Variants in GRAMD1A observed in about 807,000 individuals in gnomAD.
The protein encoded by GRAMD1A is GRAM domain containing 1A, also known as protein Aster-A.
Under a neutral mutation model 92.0 loss-of-function variants are expected in GRAMD1A, and 50 were observed. The observed-to-expected ratio is 0.54, with a 90% CI of 0.43 to 0.69. GRAMD1A has a LOEUF of 0.69. Ranked by LOEUF, GRAMD1A falls within the 30% of genes least tolerant of loss-of-function variation. The pLI, the probability that GRAMD1A is intolerant of heterozygous loss-of-function variation, is 0.00. For synonymous variants in GRAMD1A, 405 were observed against 403.6 expected (o/e 1.00, Z -0.04); for missense variants, 819 against 978.9 (o/e 0.84, Z 2.18).
rs1259670448 is a variant in GRAMD1A at position 35,026,278 on chromosome 19, G to A, written c.*137G>A. ...CGGCCCAACCAGGGGCTGTGCAGAC[G>A]TGGGGACCACGGAACCGAGATGCAC... is the stretch of plus-strand genomic sequence containing the variant. On this transcript the variant is annotated 3_prime_UTR_variant, in exon 20 of 20. Transcript: ENST00000317991. 13 of 621,778 alleles carry A rather than the reference G, an allele frequency of 2.1e-5. No individual in the cohort carries two copies. Among genetic ancestry groups the A allele is most frequent in the South Asian group, 5.4e-5 (3 of 55,850 alleles). 38.5% of individuals were successfully genotyped at this position (621,778 alleles called of 1,614,324 possible).
At chr19:35,011,643 G>A in intron 7 of GRAMD1A, 89 bp downstream of exon 7, 2 of 913,760 alleles carry the variant, frequency 2.2e-6, no homozygotes, top group Non-Finnish European at 3.5e-6. Context: ...GCTGGAGGCA[G>A]CCCTGGCTCT....
intron 1 of GRAMD1A, among the ~76,000 whole-genome samples, chr19:34,995,162 C>T (rs528729418): frequency 1.3e-5 from 2 of 152,246 alleles, no homozygotes; most frequent in Non-Finnish European, 2.9e-5. Context: ...GATTCGGCCT[C>T]TCTGTCTGTC....
rs1184259863 is a variant in GRAMD1A at position 35,014,268 on chromosome 19, C to A, written c.950C>A (p.Pro317His). Residue 317 changes from proline to histidine, a missense_variant, in exon 10 of 20, where the codon CCC (proline) becomes CAC (histidine). Pro to His is a moderately conservative substitution (Grantham distance 77). Around this residue, in one of 3 missense-constraint regions of GRAMD1A, gnomAD observed 577 missense variants for 674.6 expected, o/e 0.86. Coordinates refer to ENST00000317991, the MANE Select transcript of GRAMD1A (RefSeq NM_020895.5). ...CAGACAGTGACCCCGGTGGCTGAAC[C>A]CCCGAGCACAGAGCCCACCCAGCCT... Reference protein sequence around the residue: ...SSQTVTPVAEPPSTEPTQPDG... With the variant: ...SSQTVTPVAEHPSTEPTQPDG... 1 of 1,614,000 alleles carries A rather than the reference C, an allele frequency of 6.2e-7. No homozygotes were observed. The highest frequency in any genetic ancestry group is 8.5e-7 in the Non-Finnish European group (1 of 1,179,964).
Position 35,015,847 on chromosome 19 carries a change from G to A in GRAMD1A, c.1093G>A (p.Asp365Asn), listed in dbSNP as rs769359996. Residue 365 changes from aspartate (D) to asparagine (N), a missense_variant, in exon 11 of 20, where the codon GAC becomes AAC. This residue lies in a region of GRAMD1A where 577 missense variants were observed against 674.6 expected (regional missense o/e 0.86). Transcript: ENST00000317991. ...AGCGGACTTGGCTGCCCTGCTTCCCGACCTCTCCGGCCGCCTCCTCATCAA... is the reference window on the plus strand; with the variant it reads ...AGCGGACTTGGCTGCCCTGCTTCCCAACCTCTCCGGCCGCCTCCTCATCAA... ...EEADLAALLP[D>N]LSGRLLINSV... 2.9e-5 allele frequency: 47 copies of A among 1,613,812 alleles called. No individual in the cohort carries two copies. Among genetic ancestry groups the A allele is most frequent in the Middle Eastern group, 1.6e-4 (1 of 6,082 alleles).
At position 35,013,574 on chromosome 19, in the gene GRAMD1A, G is replaced by A; in HGVS notation, c.753G>A (p.Leu251=). The A allele has an allele frequency of 1.2e-6, 2 of 1,612,518 alleles. No individual in the cohort carries two copies. Among genetic ancestry groups the A allele is most frequent in the East Asian group, 4.5e-5 (2 of 44,870 alleles). ...TPKEVGDVIA[L]SDITSSGAAD... is the part of the protein sequence containing the mutation. Reference sequence around the variant, plus strand: ...AGGAAGTGGGAGATGTGATCGCCCTGAGCGACATCACCTCCTCGGGGGCAG... The same window carrying A: ...AGGAAGTGGGAGATGTGATCGCCCTAAGCGACATCACCTCCTCGGGGGCAG... The change falls in exon 9 of 20, where the codon CTG becomes CTA. Residue 251 remains leucine (L), a synonymous_variant. Transcript: ENST00000317991. This position sits in a 1 kb window ranked among gnomAD's most constrained non-coding sequence, Gnocchi z 4.9.
chr19:35,007,241 A>G (rs891954765), intron 1 of GRAMD1A, among the ~76,000 whole-genome samples: 5 of 152,208 alleles, frequency 3.3e-5, no homozygotes, highest in Non-Finnish European at 7.4e-5. Flanking sequence ...AGGCTGGAGC[A>G]GGGAGAAATG....
upstream of GRAMD1A, among the ~76,000 whole-genome samples, chr19:34,998,881 G>A (rs142215668): frequency 8.8e-3 from 1,334 of 150,918 alleles, 23 homozygotes; most frequent in African/African-American, 0.03. Flanking sequence ...GGTGCCTGGT[G>A]AGTTAGAAGA....
Position 35,023,270 on chromosome 19 carries a change from T to A in GRAMD1A, c.1888T>A (p.Phe630Ile), listed in dbSNP as rs767022797. The change falls in exon 18 of 20, where the codon TTC (phenylalanine) becomes ATC (isoleucine). Residue 630 changes from phenylalanine (F) to isoleucine (I), a missense_variant. This residue lies in a region of GRAMD1A where 577 missense variants were observed against 674.6 expected (regional missense o/e 0.86). Coordinates refer to ENST00000317991, the MANE Select transcript of GRAMD1A (RefSeq NM_020895.5). ...IILIALNVLLFYRLWSLERTA... is the reference protein window; with the variant it reads ...IILIALNVLLIYRLWSLERTA... The stretch of plus-strand genomic sequence containing the variant: ...CCTCATCGCCCTCAACGTCCTGCTC[T>A]TCTACCGCCTCTGGTCCCTGGAAAG... The A allele has an allele frequency of 1.8e-5, 29 of 1,614,032 alleles. No individual in the cohort carries two copies. Among genetic ancestry groups the A allele is most frequent in the African/African-American group, 4.0e-5 (3 of 74,944 alleles).
chr19:35,000,206 G>A (rs2014236154), upstream of GRAMD1A: 1 of 1,017,716 alleles, frequency 9.8e-7, no homozygotes, highest in Non-Finnish European at 1.2e-6. This position sits in a 1 kb window ranked among gnomAD's most constrained non-coding sequence, Gnocchi z 4.9. Flanking sequence ...CCTCCTTCTA[G>A]GCCTCTGCGG....
rs560884243 is a variant in GRAMD1A, at chr19:35,023,539, C to G, written c.2074C>G (p.Leu692Val). The change falls in exon 19 of 20, where the codon CTG becomes GTG. Residue 692 changes from leucine (L) to valine (V), a missense_variant. Transcript: ENST00000317991. ...GATCCTGCGGGCCTCCGTGGAGCTC[C>G]TGGATGAGGTAGGAGGCGCCGCTCG... ...RQILRASVELLDEMKFSLEKL... is the reference protein window; with the variant it reads ...RQILRASVELVDEMKFSLEKL... The G allele has an allele frequency of 2.5e-6, 4 of 1,578,404 alleles. No homozygotes were observed. Among genetic ancestry groups the G allele is most frequent in the African/African-American group, 2.7e-5 (2 of 72,966 alleles).
At chr19:35,001,994 CTTAAT>C (rs1437245649) in intron 1 of GRAMD1A, among the ~76,000 whole-genome samples, 2 of 152,102 alleles carry the variant, frequency 1.3e-5, no homozygotes, top group African/African-American at 4.8e-5. Context: ...GTGGCTGTAA[CTTAAT>C]TTGATTCCAT....
chr19:35,009,087 G>T (rs767755741), intron 1 of GRAMD1A, 32 bp from the exon 2 acceptor site: 4 of 1,493,406 alleles, frequency 2.7e-6, no homozygotes, highest in Non-Finnish European at 3.7e-6. Context: ...GTTTTTTCCA[G>T]TTAACACTTC....
In GRAMD1A at chr19:35,013,070, G is replaced by A. The variant is rs1482314445; in HGVS notation, c.607-186G>A. On this transcript the variant is annotated intron_variant, in intron 7 of 19. Transcript: ENST00000317991. The surrounding 1 kb of genome is among the most constrained non-coding windows in gnomAD (Gnocchi z 4.9). ...GAAGCAGGAAGTTTGAGTCCTGGGC[G>A]CAGGCCCTGGAGGGGCTGTAGCAGG... The A allele has an allele frequency of 8.8e-6, 5 of 565,712 alleles. No homozygotes were observed. The highest frequency in any genetic ancestry group is 3.7e-5 in the African/African-American group (2 of 53,468). 35.0% of individuals were successfully genotyped at this position (565,712 alleles called of 1,614,324 possible).
chr19:35,009,334 G>A lies in GRAMD1A; in HGVS notation c.219+5G>A. On this transcript the variant is annotated splice_donor_5th_base_variant and intron_variant, in intron 2 of 19. Transcript: ENST00000317991. The stretch of plus-strand genomic sequence containing the variant: ...AACTTCATCCGCAACAGCAAGGTTG[G>A]TGCAAGCCCAGGTGGGGTGGGGAGA... 2 of 1,613,842 alleles carry A rather than the reference G, an allele frequency of 1.2e-6. No homozygotes were observed. The highest frequency in any genetic ancestry group is 1.7e-6 in the Non-Finnish European group (2 of 1,179,772).
intron 6 of GRAMD1A, among the ~76,000 whole-genome samples, chr19:35,011,119 AAG>A (rs1180804301): frequency 6.0e-5 from 9 of 150,092 alleles, no homozygotes; most frequent in African/African-American, 2.2e-4. Flanking sequence ...AAAAAAAAAA[AAG>A]GATCAACTGA....
intron 19 of GRAMD1A, 144 bp downstream of exon 19, chr19:35,023,691 C>T: frequency 1.4e-6 from 1 of 716,754 alleles, no homozygotes; most frequent in South Asian, 2.2e-5. Context: ...AGTCCCCACC[C>T]CACAGCATTG....
At chr19:34,995,271 G>A (rs2013980089) in intron 1 of GRAMD1A, among the ~76,000 whole-genome samples, 1 of 152,240 alleles carries the variant, frequency 6.6e-6, no homozygotes, top group African/African-American at 2.4e-5. Context: ...AGTGGGTACA[G>A]AGAACACCCA....
intron 3 of GRAMD1A, 190 bp from the exon 4 acceptor site, chr19:35,009,698 T>C: frequency 1.6e-6 from 1 of 634,452 alleles, no homozygotes; most frequent in Non-Finnish European, 2.8e-6. Flanking sequence ...GTGATGCTGG[T>C]GGGTGCTTGG....
At chr19:35,005,882 A>T in intron 1 of GRAMD1A, 1 of 456,264 alleles carries the variant, frequency 2.2e-6, no homozygotes, top group Non-Finnish European at 4.4e-6. Flanking sequence ...TGCTAGGCAA[A>T]GAAGAACTAC....
Sources: allele counts gnomAD v4.1 joint callset (sites outside exome capture counted in the v4.1 genomes callset), GRCh38; gene constraint gnomAD v4.1.1; regional missense constraint gnomAD v4.1.1; non-coding constraint Gnocchi (gnomAD v3.1); transcripts MANE v1.5; gene names NCBI Gene and HGNC (gene_info 2026-07-23, HGNC 2026-07-21).